Variants in ERC1 observed in about 807,000 individuals in gnomAD.
ERC1 encodes RAB6 interacting protein 2.
In ERC1, 56 loss-of-function variants were observed where a neutral mutation model predicts 132.0. The observed-to-expected ratio is 0.42, with a 90% CI of 0.34 to 0.53. The LOEUF is 0.53. ERC1 is among the 20% of genes least tolerant of loss of function. ERC1 has a pLI of 0.03. For missense variants in ERC1, 1,202 were observed against 1,349.9 expected (o/e 0.89, Z 1.72); for synonymous variants, 478 against 476.1 (o/e 1.00, Z -0.05).
intron 4 of ERC1, among the ~76,000 whole-genome samples, chr12:1,106,106 A>G (rs927688381): frequency 1.3e-5 from 2 of 152,222 alleles, no homozygotes; most frequent in East Asian, 1.9e-4. Context: ...CACTTAACCA[A>G]CTGTAAGATA....
At chr12:1,385,239 A>G (rs916368784) in intron 16 of ERC1, among the ~76,000 whole-genome samples, 1 of 152,160 alleles carries the variant, frequency 6.6e-6, no homozygotes, top group Non-Finnish European at 1.5e-5. Context: ...TTATAAATCA[A>G]GTTTTCTTTT....
In ERC1 at chr12:1,466,672, T is replaced by C. The variant is rs1301713285; in HGVS notation, c.3213+21922T>C. Reference sequence around the variant, plus strand: ...CTGGCGAATCTGTTATGTCCAGTAATTACTGAATACTCCCTTAGGGGCCAT... The same window carrying C: ...CTGGCGAATCTGTTATGTCCAGTAACTACTGAATACTCCCTTAGGGGCCAT... On this transcript the variant is annotated intron_variant, in intron 18 of 18. Transcript: ENST00000360905. Among the ~76,000 whole-genome samples, 10 of 152,210 alleles carry C rather than the reference T, an allele frequency of 6.6e-5. No individual in the cohort carries two copies. The East Asian group carries it at 1.5e-3, about 23-fold the overall frequency.
At chr12:1,245,266 A>G (rs1010086969) in intron 13 of ERC1, among the ~76,000 whole-genome samples, 4 of 146,536 alleles carry the variant, frequency 2.7e-5, no homozygotes, top group Non-Finnish European at 4.7e-5. Flanking sequence ...AGAGATTACT[A>G]TTCTGACTTT....
chr12:1,280,447 G>A (rs2078601802), intron 14 of ERC1, among the ~76,000 whole-genome samples: 1 of 152,182 alleles, frequency 6.6e-6, no homozygotes, highest in African/African-American at 2.4e-5. Context: ...GAATAAAGAT[G>A]CATTAAAATT....
At chr12:1,345,205 G>T (rs2084331279) in intron 15 of ERC1, among the ~76,000 whole-genome samples, 1 of 55,310 alleles carries the variant, frequency 1.8e-5, no homozygotes, top group Admixed American at 1.4e-4. Flanking sequence ...TTTTGAGACG[G>T]AGTCTCACTC....
chr12:1,181,798 A>AAAT, intron 9 of ERC1, 127 bp from the exon 10 acceptor site: 1 of 1,013,286 alleles, frequency 9.9e-7, no homozygotes, highest in Non-Finnish European at 1.4e-6. Context: ...AAAAAAAAAA[A>AAAT]GTGGATTCTT....
intron 15 of ERC1, among the ~76,000 whole-genome samples, chr12:1,334,015 T>C (rs981213271): frequency 6.6e-6 from 1 of 152,230 alleles, no homozygotes; most frequent in Non-Finnish European, 1.5e-5. Context: ...GTTGAGCTTT[T>C]TTCATGTGCT....
chr12:1,357,573 A>G (rs1413260988), intron 15 of ERC1, among the ~76,000 whole-genome samples: 1 of 152,228 alleles, frequency 6.6e-6, no homozygotes, highest in Non-Finnish European at 1.5e-5. Context: ...AGAAGACAAG[A>G]TAAATGGTGT....
intron 1 of ERC1, 61 bp downstream of exon 1, chr12:991,383 C>T (rs1959208547): frequency 6.4e-6 from 1 of 156,054 alleles, no homozygotes. Context: ...AGCTTCCCCC[C>T]TGTCGCTAGT....
intron 11 of ERC1, 55 bp from the exon 12 acceptor site, chr12:1,189,804 T>C (rs570996183): frequency 1.5e-6 from 2 of 1,368,614 alleles, no homozygotes; most frequent in Admixed American, 2.3e-5. Context: ...TGGGACATGG[T>C]TTGCCCATTG....
At chr12:1,184,190 T>A (rs1180453049) in intron 11 of ERC1, among the ~76,000 whole-genome samples, 1 of 151,864 alleles carries the variant, frequency 6.6e-6, no homozygotes, top group African/African-American at 2.4e-5. Flanking sequence ...ATTTTCTAAT[T>A]TAACATATGT....
chr12:1,021,371 T>C (rs1966336921), intron 1 of ERC1, among the ~76,000 whole-genome samples: 1 of 152,022 alleles, frequency 6.6e-6, no homozygotes, highest in Non-Finnish European at 1.5e-5. Flanking sequence ...GGTAATGTCT[T>C]CCATTGGGAC....
At chr12:1,126,147 A>G (rs1028315113) in intron 7 of ERC1, among the ~76,000 whole-genome samples, 3 of 152,218 alleles carry the variant, frequency 2.0e-5, no homozygotes, top group South Asian at 2.1e-4. Flanking sequence ...TCTTACCTCT[A>G]TTAAATTTTT....
intron 17 of ERC1, among the ~76,000 whole-genome samples, chr12:1,436,481 G>A (rs184589195): frequency 3.3e-5 from 5 of 152,090 alleles, no homozygotes; most frequent in African/African-American, 9.7e-5. Context: ...GGGTAACTCC[G>A]CTTGCCTTTC....
At chr12:1,476,908 A>G (rs566289335) in intron 18 of ERC1, among the ~76,000 whole-genome samples, 7 of 152,386 alleles carry the variant, frequency 4.6e-5, no homozygotes, top group African/African-American at 1.4e-4. Context: ...ATGGATTACA[A>G]TGCAGCCCAT....
Position 1,263,076 on chromosome 12 carries a change from G to T in ERC1, c.2530G>T (p.Glu844Ter), listed in dbSNP as rs2077244174. 6.2e-7 allele frequency: 1 copy of T among 1,614,034 alleles called. No individual in the cohort carries two copies. Among genetic ancestry groups the T allele is most frequent in the Non-Finnish European group, 8.5e-7 (1 of 1,179,940 alleles). ...KKDDRIEELE[E>*]ALRESVQITA... ...GGATGACAGGATTGAAGAGCTGGAAGAAGCACTAAGAGAAAGTGTACAGAT... is the reference window on the plus strand; with the variant it reads ...GGATGACAGGATTGAAGAGCTGGAATAAGCACTAAGAGAAAGTGTACAGAT... Residue 844 changes from glutamate (E) to a stop codon, truncating the protein, a stop_gained, in exon 14 of 19, where the codon GAA becomes TAA. Transcript: ENST00000360905. LOFTEE classifies it high-confidence loss of function.
At chr12:1,132,428 C>T (rs1225738772) in intron 7 of ERC1, among the ~76,000 whole-genome samples, 1 of 152,152 alleles carries the variant, frequency 6.6e-6, no homozygotes, top group Non-Finnish European at 1.5e-5. Flanking sequence ...CTTATTCTTT[C>T]CCTTTTCAGT....
intron 2 of ERC1, among the ~76,000 whole-genome samples, chr12:1,079,053 A>G (rs1009699592): frequency 3.6e-5 from 5 of 140,200 alleles, no homozygotes; most frequent in Admixed American, 3.5e-4. Context: ...TAATATGACA[A>G]AAGTCGATAT....
chr12:1,310,468 C>G (rs2081228488), intron 15 of ERC1, among the ~76,000 whole-genome samples: 1 of 152,162 alleles, frequency 6.6e-6, no homozygotes, highest in Admixed American at 6.5e-5. Flanking sequence ...CTTGGCCTCC[C>G]AAAGTGCTGG....
Sources: gnomAD v4.1 joint callset for allele counts (sites outside exome capture counted in the v4.1 genomes callset) on GRCh38, gnomAD v4.1.1 for gene constraint, MANE v1.5 for transcripts, NCBI Gene and HGNC (gene_info 2026-07-23, HGNC 2026-07-21) for gene names.